Variants in ZFC3H1 observed in about 807,000 individuals in gnomAD.
ZFC3H1 encodes zinc finger C3H1-type containing, also known as zinc finger C3H1 domain-containing protein.
Under a neutral mutation model 243.7 loss-of-function variants are expected in ZFC3H1, and 71 were observed. That is an observed-to-expected ratio of 0.29 (90% confidence interval 0.24 to 0.36). The LOEUF is 0.36. Among genes scored for constraint, ZFC3H1 ranks in the 10% least tolerant of loss-of-function variants. The pLI is 1.00. For missense variants in ZFC3H1, 1,966 were observed against 2,317.1 expected (o/e 0.85, Z 3.11); for synonymous variants, 838 against 813.0 (o/e 1.03, Z -0.52).
intron 30 of ZFC3H1, 73 bp downstream of exon 30, chr12:71,614,462 G>A (rs1045958491): frequency 1.0e-5 from 14 of 1,369,100 alleles, no homozygotes; most frequent in African/African-American, 1.5e-5. Context: ...ATATAAAACA[G>A]GAGTTTTGCT....
intron 23 of ZFC3H1, 86 bp from the exon 24 acceptor site, chr12:71,623,683 AAAT>A: frequency 2.1e-6 from 2 of 931,676 alleles, no homozygotes; most frequent in South Asian, 1.8e-5. Context: ...AAAGTTTATG[AAAT>A]AATAAAAAGG....
At chr12:71,641,812 T>C (rs1308549739) in intron 6 of ZFC3H1, among the ~76,000 whole-genome samples, 1 of 152,194 alleles carries the variant, frequency 6.6e-6, no homozygotes, top group Non-Finnish European at 1.5e-5. Flanking sequence ...GATCAAGAGT[T>C]TGTTTTTTTA....
chr12:71,621,786 CCCTGACATTTAAT>C (rs1880034930), intron 24 of ZFC3H1, among the ~76,000 whole-genome samples: 1 of 152,106 alleles, frequency 6.6e-6, no homozygotes, highest in East Asian at 1.9e-4. Context: ...TCCTCCTCTT[CCCTGACATTTAAT>C]CTTCAACCCC....
At chr12:71,625,163 C>A (rs749864689) in intron 22 of ZFC3H1, among the ~76,000 whole-genome samples, 1 of 152,098 alleles carries the variant, frequency 6.6e-6, no homozygotes, top group Non-Finnish European at 1.5e-5. Flanking sequence ...CTGTTCACTA[C>A]CTGAGTTCAA....
At position 71,627,787 on chromosome 12, in the gene ZFC3H1, A is replaced by G. The variant is rs1343179196; in HGVS notation, c.4094T>C (p.Leu1365Pro). The G allele has an allele frequency of 1.2e-6, 2 of 1,613,628 alleles. No individual in the cohort carries two copies. The highest frequency in any genetic ancestry group is 1.7e-6 in the Non-Finnish European group (2 of 1,179,786). Residue 1365 changes from leucine to proline, a missense_variant, in exon 21 of 35, where the codon CTC becomes CCC. Physicochemically the swap from Leu to Pro is moderately conservative, Grantham distance 98. This residue lies in a region of ZFC3H1 where 1,383 missense variants were observed against 1,723.7 expected (regional missense o/e 0.80). Transcript: ENST00000378743. ...LENPSHVQLW[L>P]KLAYKYLNQN... ...ATTCAAGTACTTGTACGCAAGCTTG[A>G]GCCAAAGTTGTACATGAGAAGGATT...
At chr12:71,612,469 C>T (rs992973531) in intron 31 of ZFC3H1, among the ~76,000 whole-genome samples, 4 of 152,074 alleles carry the variant, frequency 2.6e-5, no homozygotes, top group Non-Finnish European at 5.9e-5. Context: ...CACGTTTTAT[C>T]AAAGGTGTTT....
At chr12:71,632,768 T>C in intron 14 of ZFC3H1, 118 bp downstream of exon 14, 1 of 1,436,754 alleles carries the variant, frequency 7.0e-7, no homozygotes, top group South Asian at 1.3e-5. Flanking sequence ...AACAAAGCTT[T>C]AATCTTAATC....
rs1879987330 is a variant in ZFC3H1 at position 71,620,081 on chromosome 12, A to G, written c.4894T>C (p.Cys1632Arg). The stretch of plus-strand genomic sequence containing the variant: ...TCCAGCAACTGGCAGTTAATAGGAC[A>G]TGATTCCAATAAAGATTTACAAAGC... Reference protein sequence around the residue: ...MELCKSLLESCPINCQLLEAL... With the variant: ...MELCKSLLESRPINCQLLEAL... Residue 1632 changes from cysteine (C) to arginine (R), a missense_variant, in exon 26 of 35, where the codon TGT becomes CGT. Cys to Arg is a radical substitution (Grantham distance 180). Coordinates refer to ENST00000378743, the MANE Select transcript of ZFC3H1 (RefSeq NM_144982.5). 1 of 1,613,400 alleles carries G rather than the reference A, an allele frequency of 6.2e-7. No homozygotes were observed. Among genetic ancestry groups the G allele is most frequent in the Non-Finnish European group, 8.5e-7 (1 of 1,179,880 alleles).
intron 5 of ZFC3H1, 130 bp downstream of exon 5, chr12:71,643,965 A>G (rs1880663029): frequency 2.5e-6 from 2 of 804,296 alleles, no homozygotes; most frequent in Non-Finnish European, 3.8e-6. Flanking sequence ...TGCTTTCCCA[A>G]TTATAACCTA....
Position 71,624,184 on chromosome 12 carries a change from G to T in ZFC3H1, c.4426C>A (p.Gln1476Lys). Residue 1476 changes from glutamine to lysine, a missense_variant, in exon 23 of 35, where the codon CAG becomes AAG. By Grantham distance (53) the Gln-to-Lys change is moderately conservative. Around this residue, in one of 4 missense-constraint regions of ZFC3H1, gnomAD observed 1,383 missense variants for 1,723.7 expected, o/e 0.80. Coordinates refer to ENST00000378743, the MANE Select transcript of ZFC3H1 (RefSeq NM_144982.5). ...CTAAACAAAAGAGCCTCTAAAAGCTGAAAGGACAAAATATTGGATGTTTCC... is the reference window on the plus strand; with the variant it reads ...CTAAACAAAAGAGCCTCTAAAAGCTTAAAGGACAAAATATTGGATGTTTCC... ...KQETSNILSF[Q>K]LLEALLFRVQ... 1 of 1,614,054 alleles carries T rather than the reference G, an allele frequency of 6.2e-7. No homozygotes were observed. The highest frequency in any genetic ancestry group is 8.5e-7 in the Non-Finnish European group (1 of 1,180,012).
chr12:71,633,478 A>C, intron 12 of ZFC3H1, 40 bp from the exon 13 acceptor site: 1 of 1,470,148 alleles, frequency 6.8e-7, no homozygotes, highest in South Asian at 1.3e-5. Context: ...ATGTTTCCCT[A>C]CAAGAGCAGA....
intron 1 of ZFC3H1, 148 bp from the exon 2 acceptor site, chr12:71,657,449 G>A: frequency 1.4e-6 from 1 of 695,280 alleles, no homozygotes; most frequent in South Asian, 2.2e-5. Flanking sequence ...TCCATTTAAT[G>A]TATGTGCAGC....
Position 71,609,752 on chromosome 12 carries a change from A to G in ZFC3H1, c.*676T>C, listed in dbSNP as rs1415248050. 2.6e-5 allele frequency: 4 copies of G among 152,698 alleles called. No homozygotes were observed. The highest frequency in any genetic ancestry group is 2.0e-4 in the Admixed American group (3 of 15,282). The allele number at this position is 152,698 out of a possible 1,614,324, so 9.5% of individuals were successfully genotyped here. The stretch of plus-strand genomic sequence containing the variant: ...TTTCTTTACAAAAAAATTGCACATA[A>G]TATTTGACCACTCTTAGGTTCTGAT... On this transcript the variant is annotated 3_prime_UTR_variant, in exon 35 of 35. Transcript: ENST00000378743.
In ZFC3H1 at chr12:71,623,029, T is replaced by TAA. The variant is rs34100899; in HGVS notation, c.4744+329_4744+330dup. Among the ~76,000 whole-genome samples the TAA allele has an allele frequency of 1.4e-3, 197 of 144,936 alleles. 2 individuals are homozygous for TAA. The highest frequency in any genetic ancestry group is 4.9e-3 in the African/African-American group (188 of 38,494). Reference sequence around the variant, plus strand: ...TTAAACTTCCACCTTAATGGACTGCTAAAAAAAAAAAAAAGTACCTAGTTC... The same window carrying TAA: ...TTAAACTTCCACCTTAATGGACTGCTAAAAAAAAAAAAAAAAGTACCTAGTTC... On this transcript the variant is annotated intron_variant, in intron 24 of 34. Coordinates refer to ENST00000378743, the MANE Select transcript of ZFC3H1 (RefSeq NM_144982.5).
intron 31 of ZFC3H1, 63 bp from the exon 32 acceptor site, chr12:71,611,950 C>CT (rs1879784925): frequency 1.1e-6 from 1 of 947,828 alleles, no homozygotes; most frequent in Admixed American, 2.2e-5. Flanking sequence ...CAAATGTGCT[C>CT]TATGAGCACA....
chr12:71,649,314 T>C (rs1249049599), intron 2 of ZFC3H1, among the ~76,000 whole-genome samples: 2 of 152,188 alleles, frequency 1.3e-5, no homozygotes, highest in African/African-American at 4.8e-5. Context: ...CCACATCTGG[T>C]ATTACAATTT....
chr12:71,634,205 T>G lies in ZFC3H1; in HGVS notation c.2460A>C (p.Ala820=), dbSNP rs1180333568. The part of the protein sequence containing the change: ...DVEIDGIGRI[A]MVTKQVTDAE... Reference sequence around the variant, plus strand: ...CATCTGTAACCTGCTTAGTAACCATTGCTATCCTGCCAATACCATCAATTT... The same window carrying G: ...CATCTGTAACCTGCTTAGTAACCATGGCTATCCTGCCAATACCATCAATTT... Residue 820 remains alanine, a synonymous_variant, in exon 12 of 35, where the codon GCA becomes GCC. Coordinates refer to ENST00000378743, the MANE Select transcript of ZFC3H1 (RefSeq NM_144982.5). 4 of 1,614,082 alleles carry G rather than the reference T, an allele frequency of 2.5e-6. No homozygotes were observed. The South Asian group carries it at 4.4e-5, about 18-fold the overall frequency.
At position 71,624,362 on chromosome 12, in the gene ZFC3H1, T is replaced by C. The variant is rs567578425; in HGVS notation, c.4318-70A>G. On this transcript the variant is annotated intron_variant, in intron 22 of 34. Transcript: ENST00000378743. ...AAACCAAAACTACAGACTTTTCACA[T>C]TTCATTAAGAAACCATCTCATAGTA... is the stretch of plus-strand genomic sequence containing the variant. The C allele has an allele frequency of 2.2e-3, 3,076 of 1,416,518 alleles. 7 individuals carry two copies. Among genetic ancestry groups the C allele is most frequent in the Non-Finnish European group, 2.7e-3 (2,803 of 1,057,604 alleles). The allele number at this position is 1,416,518 out of a possible 1,614,324, so 87.7% of individuals were successfully genotyped here.
chr12:71,663,076 C>T lies in ZFC3H1; in HGVS notation c.535G>A (p.Gly179Arg). The change falls in exon 1 of 35, where the codon GGA (glycine) becomes AGA (arginine). Residue 179 changes from glycine (G) to arginine (R), a missense_variant. Physicochemically the swap from Gly to Arg is moderately radical, Grantham distance 125 (BLOSUM62 -2). Around this residue, in one of 4 missense-constraint regions of ZFC3H1, gnomAD observed 484 missense variants for 449.7 expected, o/e 1.08. Transcript: ENST00000378743. ...CTGCTGCTGAACCCGGATCCTGCTC[C>T]TCCTCCCAGAGGAGGTCTGCACCCC... Reference protein sequence around the residue: ...KPGCRPPLGGGAGSGFSSSQS... With the variant: ...KPGCRPPLGGRAGSGFSSSQS... 1 of 1,613,946 alleles carries T rather than the reference C, an allele frequency of 6.2e-7. No individual in the cohort carries two copies. Among genetic ancestry groups the T allele is most frequent in the Non-Finnish European group, 8.5e-7 (1 of 1,179,972 alleles).
Sources: allele counts gnomAD v4.1 joint callset (sites outside exome capture counted in the v4.1 genomes callset), GRCh38; gene constraint gnomAD v4.1.1; regional missense constraint gnomAD v4.1.1; transcripts MANE v1.5; gene names NCBI Gene and HGNC (gene_info 2026-07-23, HGNC 2026-07-21).